The following SIRT5 variants were observed in gnomAD, a reference collection of about 807,000 sequenced individuals.
SIRT5 encodes the protein NAD-dependent protein deacylase sirtuin-5, mitochondrial.
A neutral mutation model predicts 40.0 loss-of-function variants in SIRT5; 26 were observed. The observed-to-expected ratio is 0.65, with a 90% CI of 0.48 to 0.90. The LOEUF (loss-of-function observed/expected upper bound fraction) is 0.90, where lower values mean the gene tolerates loss of function less well. SIRT5 is among the 40% of genes least tolerant of loss of function. The pLI is 0.00. For synonymous variants in SIRT5, 146 were observed against 149.1 expected, an observed-to-expected ratio of 0.98 and a Z score of 0.15; for missense variants, 401 against 402.4, an observed-to-expected ratio of 1.00 and a Z score of 0.03.
Position 13,599,285 on chromosome 6 carries a change from C to T in SIRT5, c.741+130C>T, listed in dbSNP as rs368813911. ...GCCTTCTCTCCTCCCTCCATTTCTT[C>T]CTTTCCTTCAAATGTATGTTGAGAG... On this transcript the variant is annotated intron_variant, in intron 8 of 9. Transcript: ENST00000606117. 1.9e-4 allele frequency: 182 copies of T among 944,824 alleles called. No individual in the cohort carries two copies. In the African/African-American group the frequency reaches 2.4e-3, roughly 12 times the overall value. The allele number at this position is 944,824 out of a possible 1,614,324, so 58.5% of individuals were successfully genotyped here. A position where few individuals can be genotyped will look rare whatever the true frequency, so the allele number is the denominator to read the frequency against.
chr6:13,579,968 T>A (rs1047703989), intron 2 of SIRT5, among the ~76,000 whole-genome samples: 1 of 152,246 alleles, frequency 6.6e-6, no homozygotes, highest in African/African-American at 2.4e-5. Context: ...TTGAAGATCA[T>A]GGCAATCCAT....
intron 9 of SIRT5, among the ~76,000 whole-genome samples, chr6:13,606,976 T>C (rs1293993279): frequency 6.6e-6 from 1 of 151,350 alleles, no homozygotes; most frequent in East Asian, 1.9e-4. Context: ...GCCAACACAC[T>C]TGGCCTGCTT....
chr6:13,596,467 T>A (rs1264229280), intron 6 of SIRT5, among the ~76,000 whole-genome samples: 2 of 151,750 alleles, frequency 1.3e-5, no homozygotes, highest in Non-Finnish European at 2.9e-5. Flanking sequence ...ATGCATTCCC[T>A]CACTGGCAGT....
At chr6:13,600,971 A>G in intron 9 of SIRT5, 22 bp downstream of exon 9, 1 of 1,576,656 alleles carries the variant, frequency 6.3e-7, no homozygotes, top group Non-Finnish European at 8.7e-7. Context: ...CCCTGATGGG[A>G]GAGGGAGATG....
intron 1 of SIRT5, among the ~76,000 whole-genome samples, chr6:13,578,887 T>C (rs147783643): frequency 6.6e-6 from 1 of 152,280 alleles, no homozygotes; most frequent in East Asian, 1.9e-4. Flanking sequence ...CTTGGATTAA[T>C]GTCAATTTAT....
intron 9 of SIRT5, chr6:13,604,529 C>G: frequency 6.3e-7 from 1 of 1,579,552 alleles, no homozygotes; most frequent in Non-Finnish European, 8.6e-7. Context: ...AACAAGTCAT[C>G]ATTGTAGAAA....
chr6:13,583,900 T>TG, intron 2 of SIRT5, among the ~76,000 whole-genome samples, 176 bp from the exon 3 acceptor site: 3 of 152,316 alleles, frequency 2.0e-5, no homozygotes, highest in Admixed American at 2.0e-4. Context: ...GTTCAGAGGA[T>TG]GATCTGTTAC....
chr6:13,577,243 G>T (rs1758747012), intron 1 of SIRT5, among the ~76,000 whole-genome samples: 1 of 152,174 alleles, frequency 6.6e-6, no homozygotes, highest in Admixed American at 6.5e-5. Context: ...GCTTTGGGTA[G>T]TATGGACACT....
chr6:13,587,605 G>A (rs908210288), intron 3 of SIRT5, among the ~76,000 whole-genome samples: 1 of 152,210 alleles, frequency 6.6e-6, no homozygotes, highest in African/African-American at 2.4e-5. Context: ...CTGTGTTCAG[G>A]CAGGAGAACT....
rs140792341 is a variant in SIRT5 at position 13,591,785 on chromosome 6, C to T, written c.366C>T (p.Ala122=). The T allele has an allele frequency of 5.8e-5, 94 of 1,614,020 alleles. 1 individual carries two copies. The highest frequency in any genetic ancestry group is 1.8e-4 in the East Asian group (8 of 44,886). ...KEPNAGHRAI[A]ECETRLGKQG... is the part of the protein sequence containing the mutation. ...CCAACGCCGGGCACCGCGCCATAGC[C>T]GAGTGTGAGACCCGGCTGGGCAAGC... The change falls in exon 5 of 10, where the codon GCC becomes GCT. Residue 122 remains alanine, a synonymous_variant. Coordinates refer to ENST00000606117, the MANE Select transcript of SIRT5 (RefSeq NM_012241.5).
intron 9 of SIRT5, 124 bp from the exon 10 acceptor site, chr6:13,611,666 C>A: frequency 1.4e-6 from 1 of 725,086 alleles, no homozygotes; most frequent in Non-Finnish European, 2.5e-6. Flanking sequence ...ATTCATAATA[C>A]CATCTTTATG....
At position 13,603,970 on chromosome 6, in the gene SIRT5, T is replaced by G. The variant is rs534164401; in HGVS notation, c.857+3021T>G. The stretch of plus-strand genomic sequence containing the variant: ...AAAGACCATATATGGTATGACTTCA[T>G]TTATACGAAATATCTAGAATAGGCA... On this transcript the variant is annotated intron_variant, in intron 9 of 9. Transcript: ENST00000606117. Among the ~76,000 whole-genome samples, 10 of 152,320 alleles carry G rather than the reference T, an allele frequency of 6.6e-5. No homozygotes were observed. In the East Asian group the frequency reaches 1.9e-3, roughly 29 times the overall value.
intron 8 of SIRT5, among the ~76,000 whole-genome samples, chr6:13,599,850 C>T (rs577550122): frequency 1.2e-4 from 18 of 152,298 alleles, no homozygotes; most frequent in African/African-American, 3.1e-4. Flanking sequence ...CAGATGTACA[C>T]GTATTAATTA....
chr6:13,611,641 G>T (rs980609890), intron 9 of SIRT5, 149 bp from the exon 10 acceptor site: 22 of 671,930 alleles, frequency 3.3e-5, no homozygotes, highest in Non-Finnish European at 6.0e-5. Flanking sequence ...CTAGTTGAAA[G>T]AAGTGGGCAT....
intron 9 of SIRT5, chr6:13,605,663 A>G: frequency 6.1e-6 from 6 of 985,446 alleles, no homozygotes; most frequent in Non-Finnish European, 7.2e-6. Flanking sequence ...CGTTTTCCCC[A>G]TGTCCGATGC....
intron 2 of SIRT5, among the ~76,000 whole-genome samples, chr6:13,580,918 C>T (rs1759264387): frequency 6.6e-6 from 1 of 152,228 alleles, no homozygotes; most frequent in Non-Finnish European, 1.5e-5. Flanking sequence ...GCCTCAGCCT[C>T]CCAAAGTCCT....
intron 3 of SIRT5, among the ~76,000 whole-genome samples, 191 bp from the exon 4 acceptor site, chr6:13,588,140 C>T (rs1760322229): frequency 6.6e-6 from 1 of 152,198 alleles, no homozygotes; most frequent in Non-Finnish European, 1.5e-5. Flanking sequence ...CCCAAAGCCC[C>T]TGCTGCTTTA....
chr6:13,599,565 G>A lies in SIRT5; in HGVS notation c.741+410G>A, dbSNP rs150483575. On this transcript the variant is annotated intron_variant, in intron 8 of 9. Transcript: ENST00000606117. ...GTTCTGCTATCCAGAAATAGTTACCGTTAGCAGTTTAGTATGTTTTCTTCT... is the reference window on the plus strand; with the variant it reads ...GTTCTGCTATCCAGAAATAGTTACCATTAGCAGTTTAGTATGTTTTCTTCT... Among the ~76,000 whole-genome samples the A allele has an allele frequency of 3.9e-5, 6 of 152,312 alleles. No homozygotes were observed. The East Asian group carries it at 9.6e-4, about 24-fold the overall frequency.
At chr6:13,577,779 A>G (rs1217728907) in intron 1 of SIRT5, among the ~76,000 whole-genome samples, 4 of 150,684 alleles carry the variant, frequency 2.7e-5, no homozygotes, top group Non-Finnish European at 5.9e-5. Flanking sequence ...ATATAGAAAA[A>G]TTCTTCCCTT....
Sources: gnomAD v4.1 joint callset for allele counts (sites outside exome capture counted in the v4.1 genomes callset) on GRCh38, gnomAD v4.1.1 for gene constraint, MANE v1.5 for transcripts, NCBI Gene and HGNC (gene_info 2026-07-23, HGNC 2026-07-21) for gene names.